Variants in BMAL2 observed in about 807,000 individuals in gnomAD.
BMAL2 encodes basic helix-loop-helix ARNT like 2, also known as basic helix-loop-helix ARNT-like protein 2.
chr12:27,416,005 C>A, the BMAL2 span: 1 of 1,205,522 alleles, frequency 8.3e-7, no homozygotes, highest in South Asian at 1.4e-5. Flanking sequence ...AAATTTGCCC[C>A]TTGTTGATTA....
chr12:27,341,791 C>T, the BMAL2 span, among the ~76,000 whole-genome samples: 4 of 152,250 alleles, frequency 2.6e-5, no homozygotes, highest in South Asian at 2.1e-4. Context: ...CCTTGACTTC[C>T]GATACAAACA....
At chr12:27,387,337 A>G in the BMAL2 span, 3 of 1,488,728 alleles carry the variant, frequency 2.0e-6, no homozygotes, top group Non-Finnish European at 2.8e-6. Context: ...AAAAATGAGG[A>G]TATTTTCCAT....
chr12:27,387,847 C>T, the BMAL2 span, among the ~76,000 whole-genome samples: 2 of 152,124 alleles, frequency 1.3e-5, no homozygotes, highest in African/African-American at 4.8e-5. Context: ...TTGAAACTAA[C>T]CCAAGTAAGT....
the BMAL2 span, among the ~76,000 whole-genome samples, chr12:27,358,367 G>A: frequency 6.6e-6 from 1 of 152,240 alleles, no homozygotes; most frequent in East Asian, 1.9e-4. Context: ...TGCAAGAATG[G>A]TCATAATCAA....
the BMAL2 span, among the ~76,000 whole-genome samples, chr12:27,397,219 T>C: frequency 1.6e-4 from 24 of 152,266 alleles, no homozygotes; most frequent in Middle Eastern, 3.4e-3. Flanking sequence ...TACAGGCACA[T>C]GCCACCAAAC....
chr12:27,420,848 C>T, the BMAL2 span: 2 of 203,972 alleles, frequency 9.8e-6, no homozygotes, highest in African/African-American at 2.3e-5. Context: ...ATTTTTGATG[C>T]AGTTTTTTTT....
At chr12:27,395,960 G>C in the BMAL2 span, among the ~76,000 whole-genome samples, 1 of 152,200 alleles carries the variant, frequency 6.6e-6, no homozygotes, top group South Asian at 2.1e-4. Context: ...CCTTAGGCAA[G>C]TTTCTCTTAA....
At chr12:27,405,038 G>A in the BMAL2 span, among the ~76,000 whole-genome samples, 216 of 152,330 alleles carry the variant, frequency 1.4e-3, no homozygotes, top group African/African-American at 5.0e-3. Flanking sequence ...CAAGGCGGCA[G>A]CGAGGCTGGG....
the BMAL2 span, chr12:27,400,600 G>A: frequency 6.2e-7 from 1 of 1,613,922 alleles, no homozygotes; most frequent in Non-Finnish European, 8.5e-7. Flanking sequence ...AATATTGTTG[G>A]AATGGAAGAA....
At chr12:27,336,417 G>T in the BMAL2 span, among the ~76,000 whole-genome samples, 3 of 152,172 alleles carry the variant, frequency 2.0e-5, no homozygotes, top group African/African-American at 7.2e-5. Flanking sequence ...AGAGCCTTCA[G>T]TGTAAGCCCT....
At chr12:27,412,192 A>G in the BMAL2 span, among the ~76,000 whole-genome samples, 1 of 152,226 alleles carries the variant, frequency 6.6e-6, no homozygotes, top group Non-Finnish European at 1.5e-5. Context: ...AGAGAAGTGG[A>G]AATGGAGCTA....
the BMAL2 span, among the ~76,000 whole-genome samples, chr12:27,400,938 T>A: frequency 6.6e-6 from 1 of 152,186 alleles, no homozygotes; most frequent in Non-Finnish European, 1.5e-5. Flanking sequence ...TAAATTTGCT[T>A]AAGCCAACAT....
At chr12:27,370,852 C>T in the BMAL2 span, among the ~76,000 whole-genome samples, 5 of 152,090 alleles carry the variant, frequency 3.3e-5, no homozygotes, top group Admixed American at 3.3e-4. Flanking sequence ...GATCCACCCA[C>T]CTTGGCCTCC....
the BMAL2 span, among the ~76,000 whole-genome samples, chr12:27,358,288 GA>G: frequency 6.6e-6 from 1 of 151,546 alleles, no homozygotes; most frequent in East Asian, 1.9e-4. Context: ...AACATATGAA[GA>G]AATGCTCAAC....
the BMAL2 span, among the ~76,000 whole-genome samples, chr12:27,363,343 G>A: frequency 6.6e-6 from 1 of 152,140 alleles, no homozygotes; most frequent in Non-Finnish European, 1.5e-5. Context: ...TACCTAGGAG[G>A]GGAATGCCAA....
At chr12:27,417,900 A>G in the BMAL2 span, among the ~76,000 whole-genome samples, 3 of 151,842 alleles carry the variant, frequency 2.0e-5, no homozygotes, top group African/African-American at 7.2e-5. Context: ...GGCTGAGGCA[A>G]GAGAATTGCC....
the BMAL2 span, among the ~76,000 whole-genome samples, chr12:27,345,808 A>C: frequency 6.6e-6 from 1 of 152,256 alleles, no homozygotes. Context: ...CTGGCTGATA[A>C]TTTGTTTTGT....
chr12:27,371,713 CAT>C, the BMAL2 span, among the ~76,000 whole-genome samples: 8 of 107,352 alleles, frequency 7.5e-5, no homozygotes, highest in Middle Eastern at 4.0e-3. Context: ...ATGGTAAATA[CAT>C]ACACACACAC....
chr12:27,425,074 C>T, the BMAL2 span: 2 of 152,188 alleles, frequency 1.3e-5, no homozygotes, highest in East Asian at 1.9e-4. Flanking sequence ...TTTCTGAACT[C>T]ACTTGAGAGT....
Sources: gnomAD v4.1 joint callset for allele counts (sites outside exome capture counted in the v4.1 genomes callset) on GRCh38, gnomAD v4.1.1 for gene constraint, MANE v1.5 for transcripts, NCBI Gene and HGNC (gene_info 2026-07-23, HGNC 2026-07-21) for gene names.